The following SAMSN1 variants were observed in gnomAD, a reference collection of about 807,000 sequenced individuals.
The protein encoded by SAMSN1 is SAM domain-containing protein SAMSN-1.
In SAMSN1, 31 loss-of-function variants were observed where a neutral mutation model predicts 42.0. That is an observed-to-expected ratio of 0.74 (90% CI 0.55 to 1.00). The LOEUF (loss-of-function observed/expected upper bound fraction) is 1.00. Among genes scored for constraint, SAMSN1 ranks in the 50% least tolerant of loss-of-function variants. The probability of loss-of-function intolerance (pLI) is 0.00; values close to 1 mark genes in which losing one functional copy is unlikely to be tolerated. For synonymous variants in SAMSN1, 178 were observed against 151.9 expected (o/e 1.17, Z -1.26); for missense variants, 464 against 439.4 (o/e 1.06, Z -0.50).
intron 2 of SAMSN1, among the ~76,000 whole-genome samples, 196 bp from the exon 3 acceptor site, chr21:14,517,237 C>G (rs1180263489): frequency 6.6e-6 from 1 of 152,200 alleles, no homozygotes; most frequent in Admixed American, 6.5e-5. Flanking sequence ...GTTACGAACT[C>G]AGAAAGTAAA....
chr21:14,545,390 A>G (rs1236267862), intron 1 of SAMSN1, among the ~76,000 whole-genome samples: 5 of 152,176 alleles, frequency 3.3e-5, no homozygotes, highest in Non-Finnish European at 7.4e-5. Context: ...TATCTCAGAA[A>G]GAGACTAAAA....
At chr21:14,565,436 C>G (rs1470208030) in intron 2 of SAMSN1, among the ~76,000 whole-genome samples, 1 of 152,086 alleles carries the variant, frequency 6.6e-6, no homozygotes, top group Non-Finnish European at 1.5e-5. Context: ...CAGTGTTAAA[C>G]TGCCACAACA....
chr21:14,543,953 C>T (rs1980214120), intron 1 of SAMSN1, among the ~76,000 whole-genome samples: 1 of 152,168 alleles, frequency 6.6e-6, no homozygotes, highest in Non-Finnish European at 1.5e-5. Context: ...AACATAGACC[C>T]TTTCTAGACA....
intron 2 of SAMSN1, among the ~76,000 whole-genome samples, chr21:14,630,418 A>T (rs1170063398): frequency 6.6e-6 from 1 of 151,750 alleles, no homozygotes. Flanking sequence ...TAAAGAGATA[A>T]CCATGGCTTT....
chr21:14,620,391 T>C (rs1982972149), intron 2 of SAMSN1, among the ~76,000 whole-genome samples: 1 of 152,184 alleles, frequency 6.6e-6, no homozygotes, highest in Non-Finnish European at 1.5e-5. Context: ...TGCCACCATG[T>C]GAAGAAGGTA....
chr21:14,558,698 AAACAAC>A (rs139708204), intron 2 of SAMSN1, among the ~76,000 whole-genome samples: 7 of 151,746 alleles, frequency 4.6e-5, no homozygotes, highest in Non-Finnish European at 7.4e-5. Context: ...ACAAAAACAA[AAACAAC>A]AACAACAACA....
intron 2 of SAMSN1, among the ~76,000 whole-genome samples, chr21:14,639,037 A>G (rs1983533207): frequency 6.6e-6 from 1 of 152,202 alleles, no homozygotes; most frequent in African/African-American, 2.4e-5. Context: ...AATGCCTTTG[A>G]CCCACATTTA....
intron 2 of SAMSN1, among the ~76,000 whole-genome samples, chr21:14,633,419 A>G (rs958504498): frequency 8.5e-5 from 13 of 152,218 alleles, no homozygotes; most frequent in Admixed American, 2.6e-4. Context: ...TGGGGCCTTA[A>G]AAAACATCTG....
chr21:14,536,763 G>A (rs536556712), intron 1 of SAMSN1, among the ~76,000 whole-genome samples: 51 of 152,320 alleles, frequency 3.3e-4, no homozygotes, highest in African/African-American at 1.2e-3. Flanking sequence ...AATGGAATGA[G>A]GCCATTTCTC....
intron 2 of SAMSN1, among the ~76,000 whole-genome samples, chr21:14,575,257 T>C (rs1208865579): frequency 2.0e-5 from 3 of 152,212 alleles, no homozygotes; most frequent in Non-Finnish European, 4.4e-5. Context: ...AAATTGGTCA[T>C]AATTAAAATT....
intron 3 of SAMSN1, among the ~76,000 whole-genome samples, chr21:14,512,956 T>C (rs1987753309): frequency 6.6e-6 from 1 of 152,198 alleles, no homozygotes; most frequent in Non-Finnish European, 1.5e-5. Context: ...TACTAATCCA[T>C]TGAGATCTGA....
intron 2 of SAMSN1, among the ~76,000 whole-genome samples, chr21:14,579,574 G>T (rs1035832787): frequency 1.3e-5 from 2 of 151,594 alleles, no homozygotes; most frequent in African/African-American, 2.4e-5. Flanking sequence ...ATTTATTTAG[G>T]CAACAAGTGC....
intron 2 of SAMSN1, among the ~76,000 whole-genome samples, chr21:14,572,268 TTACTAGAA>T (rs1440826236): frequency 5.3e-5 from 8 of 152,212 alleles, no homozygotes; most frequent in Non-Finnish European, 1.2e-4. Context: ...AGTCCAATTC[TTACTAGAA>T]TTCCACAAAG....
chr21:14,633,453 G>A (rs376583), intron 2 of SAMSN1, among the ~76,000 whole-genome samples: 112,349 of 152,108 alleles, frequency 0.74, 42,769 homozygotes, highest in Middle Eastern at 0.88. Context: ...AGTTTATAGA[G>A]GTAAAAACTG....
chr21:14,583,746 A>T, upstream of SAMSN1: 1 of 717,874 alleles, frequency 1.4e-6, no homozygotes, highest in Non-Finnish European at 2.6e-6. Flanking sequence ...GTCCCCATTG[A>T]TTCCACAGGG....
chr21:14,511,897 C>G (rs1322595099), intron 4 of SAMSN1, among the ~76,000 whole-genome samples: 1 of 152,052 alleles, frequency 6.6e-6, no homozygotes, highest in Non-Finnish European at 1.5e-5. Context: ...TCACTCTTTA[C>G]TGATTAATGC....
chr21:14,642,714 G>A (rs913655592), intron 2 of SAMSN1, among the ~76,000 whole-genome samples: 6 of 151,858 alleles, frequency 4.0e-5, no homozygotes, highest in South Asian at 2.1e-4. Context: ...TTTCTTTCTC[G>A]CAACTTCCAA....
chr21:14,524,023 T>TA lies in SAMSN1; in HGVS notation c.58-2803dup, dbSNP rs574205503. 1.8e-3 allele frequency among the ~76,000 whole-genome samples: 270 copies of TA among 152,300 alleles called. 1 individual carries two copies. Among genetic ancestry groups the TA allele is most frequent in the Non-Finnish European group, 3.1e-3 (213 of 68,016 alleles). On this transcript the variant is annotated intron_variant, in intron 1 of 7. Coordinates refer to ENST00000400566, the MANE Select transcript of SAMSN1 (RefSeq NM_022136.5). ...GACACCCTTAAGAAGAAAATCTAAA[T>TA]ATTTAAAAGAACATTTATATTTGTT...
intron 7 of SAMSN1, among the ~76,000 whole-genome samples, chr21:14,488,220 A>G (rs572809226): frequency 1.9e-3 from 292 of 152,264 alleles, no homozygotes; most frequent in Middle Eastern, 3.4e-3. Flanking sequence ...TGAACCTCTT[A>G]GTCATAATGA....
Sources: gnomAD v4.1 joint callset for allele counts (sites outside exome capture counted in the v4.1 genomes callset) on GRCh38, gnomAD v4.1.1 for gene constraint, MANE v1.5 for transcripts, NCBI Gene and HGNC (gene_info 2026-07-23, HGNC 2026-07-21) for gene names.